The following CTBP2 variants were observed in gnomAD, a reference collection of about 807,000 sequenced individuals.
The protein encoded by CTBP2 is C-terminal binding protein 2, also known as C-terminal-binding protein 2.
In CTBP2, 30 loss-of-function variants were observed where a neutral mutation model predicts 80.3. That is an observed-to-expected ratio of 0.37 (90% CI 0.28 to 0.51). The LOEUF is 0.51. CTBP2 is among the 20% of genes least tolerant of loss of function. The probability of loss-of-function intolerance (pLI) is 0.93; values close to 1 mark genes in which losing one functional copy is unlikely to be tolerated. For synonymous variants in CTBP2, 594 were observed against 587.4 expected (o/e 1.01, Z -0.16); for missense variants, 1,212 against 1,375.3 (o/e 0.88, Z 1.88).
At chr10:125,129,485 C>T (rs1489306428) in intron 1 of CTBP2, among the ~76,000 whole-genome samples, 3 of 152,110 alleles carry the variant, frequency 2.0e-5, no homozygotes, top group Non-Finnish European at 4.4e-5. Flanking sequence ...GGTCATGAGA[C>T]CCGTGCTCCA....
rs1954142862 is a variant in CTBP2, at chr10:124,999,566, G to A, written c.1979-1396C>T. The stretch of plus-strand genomic sequence containing the variant: ...TTAGCAAGACACACAGCTCAGAGAA[G>A]GTGAAGCCACTGTGAGCAGGTCACC... On this transcript the variant is annotated intron_variant, in intron 3 of 8. Coordinates refer to ENST00000309035, the MANE Select transcript of CTBP2 (RefSeq NM_022802.3). 2 of 152,260 alleles carry A rather than the reference G, an allele frequency of 1.3e-5. 1 individual carries two copies. Among genetic ancestry groups the A allele is most frequent in the South Asian group, 4.1e-4 (2 of 4,830 alleles). 9.4% of individuals were successfully genotyped at this position (152,260 alleles called of 1,614,324 possible). A position where few individuals can be genotyped will look rare whatever the true frequency, so the allele number is the denominator to read the frequency against.
intron 4 of CTBP2, 56 bp downstream of exon 6, chr10:124,997,908 C>A: frequency 1.9e-6 from 3 of 1,562,366 alleles, no homozygotes; most frequent in East Asian, 4.5e-5. Flanking sequence ...GGGGTCCCCA[C>A]TACACCAGCC....
chr10:125,042,890 C>CAAG (rs10642339), intron 2 of CTBP2, among the ~76,000 whole-genome samples: 91,508 of 151,680 alleles, frequency 0.6, 28,577 homozygotes, highest in African/African-American at 0.75. Context: ...CCAAACCGCA[C>CAAG]AAGAAACACT....
At chr10:125,012,358 C>T (rs1275127890) in intron 1 of CTBP2, among the ~76,000 whole-genome samples, 2 of 152,184 alleles carry the variant, frequency 1.3e-5, no homozygotes, top group African/African-American at 2.4e-5. Context: ...ACGGTCCCTG[C>T]AGGGACGGGT....
chr10:125,056,092 C>G (rs1963848740), intron 2 of CTBP2, among the ~76,000 whole-genome samples: 1 of 151,882 alleles, frequency 6.6e-6, no homozygotes, highest in Non-Finnish European at 1.5e-5. Context: ...TTCAGCCTGA[C>G]AGGCAGAGGT....
At chr10:125,005,118 G>C (rs919502143) in intron 1 of CTBP2, among the ~76,000 whole-genome samples, 2 of 152,222 alleles carry the variant, frequency 1.3e-5, no homozygotes, top group African/African-American at 4.8e-5. Context: ...CACGGTGCTG[G>C]GGAGGGACGG....
chr10:125,063,381 C>T (rs747990016), intron 2 of CTBP2, among the ~76,000 whole-genome samples: 4 of 152,156 alleles, frequency 2.6e-5, no homozygotes, highest in Non-Finnish European at 5.9e-5. Flanking sequence ...TGTGGCACCC[C>T]GATGGGGACT....
chr10:125,012,122 GC>G (rs11338529), intron 1 of CTBP2, among the ~76,000 whole-genome samples: 3,580 of 152,344 alleles, frequency 0.023, 154 homozygotes, highest in African/African-American at 0.081. Context: ...CAGCGAAGCA[GC>G]CAAGGACGTG....
At position 124,984,764 on chromosome 10, in the gene CTBP2, C is replaced by T; in HGVS notation, c.*4754G>A. 6.2e-7 allele frequency: 1 copy of T among 1,611,066 alleles called. No individual in the cohort carries two copies. Among genetic ancestry groups the T allele is most frequent in the Admixed American group, 1.7e-5 (1 of 59,814 alleles). ...ATGATTTTCCCTTTGTCTTCATATT[C>T]CTCCAAAAGCTAGGTAATGAGGAAC... On this transcript the variant is annotated 3_prime_UTR_variant, in exon 9 of 9. Transcript: ENST00000309035.
intron 2 of CTBP2, among the ~76,000 whole-genome samples, chr10:125,047,924 A>G (rs1318073989): frequency 6.6e-6 from 1 of 152,188 alleles, no homozygotes; most frequent in Non-Finnish European, 1.5e-5. Flanking sequence ...TGAGATATGA[A>G]TTTGTAAAAA....
intron 3 of CTBP2, 47 bp downstream of exon 5, chr10:125,002,913 A>G: frequency 1.2e-6 from 2 of 1,603,198 alleles, no homozygotes; most frequent in Middle Eastern, 2.2e-4. Context: ...AGCAGGGCCC[A>G]CAGAGCTCCG....
chr10:124,994,013 A>G (rs1313673103), intron 5 of CTBP2, 28 bp from the exon 8 acceptor site: 1 of 1,613,100 alleles, frequency 6.2e-7, no homozygotes. Context: ...AGCCGGTTAC[A>G]GGCACACTGG....
chr10:125,057,834 G>C (rs1447137155), intron 2 of CTBP2, among the ~76,000 whole-genome samples: 1 of 152,186 alleles, frequency 6.6e-6, no homozygotes, highest in Non-Finnish European at 1.5e-5. Flanking sequence ...AAGCATCCCA[G>C]TGCTTCGGGC....
intron 2 of CTBP2, among the ~76,000 whole-genome samples, chr10:125,092,490 C>T (rs772725367): frequency 1.3e-5 from 2 of 152,174 alleles, no homozygotes; most frequent in African/African-American, 4.8e-5. Flanking sequence ...CATTCCTTGT[C>T]TGAAGATTCT....
intron 2 of CTBP2, among the ~76,000 whole-genome samples, chr10:125,106,953 G>T (rs189848574): frequency 1.3e-5 from 2 of 152,220 alleles, no homozygotes; most frequent in Non-Finnish European, 2.9e-5. Flanking sequence ...GGGAATGGAC[G>T]GGGTGATCTC....
intron 2 of CTBP2, among the ~76,000 whole-genome samples, chr10:125,069,758 G>C (rs765766401): frequency 6.6e-6 from 1 of 152,120 alleles, no homozygotes; most frequent in Non-Finnish European, 1.5e-5. Context: ...TTTCTGCTGA[G>C]AGTCTCCCCT....
intron 3 of CTBP2, among the ~76,000 whole-genome samples, chr10:125,037,176 G>T (rs1564771076): frequency 6.6e-6 from 1 of 152,176 alleles, no homozygotes; most frequent in Non-Finnish European, 1.5e-5. Flanking sequence ...GAAGGGGGTG[G>T]GAAGGTTGGT....
At chr10:125,155,214 T>C (rs1018939900) in intron 1 of CTBP2, among the ~76,000 whole-genome samples, 2 of 152,184 alleles carry the variant, frequency 1.3e-5, no homozygotes, top group African/African-American at 4.8e-5. Flanking sequence ...CAAATCTCCA[T>C]GCCCGGCAAA....
chr10:125,013,777 G>A (rs1956183446), intron 1 of CTBP2, among the ~76,000 whole-genome samples: 1 of 152,172 alleles, frequency 6.6e-6, no homozygotes, highest in Admixed American at 6.5e-5. Flanking sequence ...GACCAAGCAT[G>A]CAACCCCAGG....
Sources: gnomAD v4.1 joint callset for allele counts (sites outside exome capture counted in the v4.1 genomes callset) on GRCh38, gnomAD v4.1.1 for gene constraint, MANE v1.5 for transcripts, NCBI Gene and HGNC (gene_info 2026-07-23, HGNC 2026-07-21) for gene names.